The following CDH13 variants were observed in gnomAD, a reference collection of about 807,000 sequenced individuals.
CDH13 encodes the protein cadherin-13.
A neutral mutation model predicts 63.8 loss-of-function variants in CDH13; 24 were observed. The observed-to-expected ratio is 0.38, with a 90% confidence interval of 0.27 to 0.53. The LOEUF (loss-of-function observed/expected upper bound fraction) is 0.53. Ranked by LOEUF, CDH13 falls within the 20% of genes least tolerant of loss-of-function variation. The probability of loss-of-function intolerance (pLI) is 0.85; values close to 1 mark genes in which losing one functional copy is unlikely to be tolerated. For synonymous variants in CDH13, 503 were observed against 355.3 expected, an observed-to-expected ratio of 1.42 and a Z score of -4.67; for missense variants, 1,049 against 903.1, an observed-to-expected ratio of 1.16 and a Z score of -2.07.
At chr16:83,073,516 G>GATGAGA (rs1472223465) in intron 3 of CDH13, among the ~76,000 whole-genome samples, 1 of 151,872 alleles carries the variant, frequency 6.6e-6, no homozygotes, top group Non-Finnish European at 1.5e-5. Flanking sequence ...CACACATGGC[G>GATGAGA]ATGAGAATTC....
intron 1 of CDH13, among the ~76,000 whole-genome samples, chr16:82,843,261 T>C (rs1038448245): frequency 2.0e-5 from 3 of 152,222 alleles, no homozygotes; most frequent in African/African-American, 7.2e-5. Flanking sequence ...TGACACACAG[T>C]AGGCAGTCAG....
chr16:83,145,359 G>A (rs552609789), intron 4 of CDH13, among the ~76,000 whole-genome samples: 1 of 152,322 alleles, frequency 6.6e-6, no homozygotes, highest in East Asian at 1.9e-4. Context: ...CAAGCTTAAT[G>A]AAAGGGAGAA....
intron 7 of CDH13, among the ~76,000 whole-genome samples, chr16:83,516,470 C>T (rs1259922468): frequency 6.6e-6 from 1 of 152,128 alleles, no homozygotes; most frequent in Non-Finnish European, 1.5e-5. Context: ...TTTCAGAGTT[C>T]TGAAATGGAA....
At chr16:82,659,943 G>A (rs1050882587) in intron 1 of CDH13, among the ~76,000 whole-genome samples, 1 of 152,110 alleles carries the variant, frequency 6.6e-6, no homozygotes, top group East Asian at 1.9e-4. Flanking sequence ...GGAGGGAAAG[G>A]GGGGAAAGTG....
intron 7 of CDH13, among the ~76,000 whole-genome samples, chr16:83,585,031 G>A (rs1299514447): frequency 1.3e-5 from 2 of 152,138 alleles, no homozygotes; most frequent in Non-Finnish European, 2.9e-5. Context: ...CTCCAACACT[G>A]GGGGTTACAA....
At chr16:82,684,691 G>T (rs964407989) in intron 1 of CDH13, among the ~76,000 whole-genome samples, 1 of 151,992 alleles carries the variant, frequency 6.6e-6, no homozygotes, top group Admixed American at 6.6e-5. Context: ...AATTGCTTTT[G>T]ATCCTTTTTC....
intron 2 of CDH13, among the ~76,000 whole-genome samples, chr16:82,966,832 T>C (rs1414356935): frequency 1.3e-5 from 2 of 152,178 alleles, no homozygotes; most frequent in Admixed American, 6.5e-5. Context: ...AAAACAAGGA[T>C]GTTTTTTCTC....
At chr16:83,142,025 A>G (rs2036552132) in intron 4 of CDH13, among the ~76,000 whole-genome samples, 1 of 152,236 alleles carries the variant, frequency 6.6e-6, no homozygotes, top group Non-Finnish European at 1.5e-5. Flanking sequence ...ATGTACCAGT[A>G]CAAGTTTCCC....
At chr16:82,697,352 G>C (rs2030425224) in intron 1 of CDH13, among the ~76,000 whole-genome samples, 1 of 148,028 alleles carries the variant, frequency 6.8e-6, no homozygotes, top group Admixed American at 6.8e-5. Flanking sequence ...ATGAGGCTTT[G>C]TCACTCTCAC....
rs1312710942 is a variant in CDH13, at chr16:83,512,106, G to A, written c.960+25451G>A. Among the ~76,000 whole-genome samples, 6 of 151,882 alleles carry A rather than the reference G, an allele frequency of 4.0e-5. No homozygotes were observed. In the East Asian group the frequency reaches 7.8e-4, roughly 20 times the overall value. On this transcript the variant is annotated intron_variant, in intron 7 of 13. Coordinates refer to ENST00000567109, the MANE Select transcript of CDH13 (RefSeq NM_001257.5). Reference sequence around the variant, plus strand: ...GGAGGCCGAGGCGGGCGGATCACGAGGTCTGGAGGTGGAGACCATCCTGGC... The same window carrying A: ...GGAGGCCGAGGCGGGCGGATCACGAAGTCTGGAGGTGGAGACCATCCTGGC...
At chr16:83,299,135 C>T (rs2089670771) in intron 5 of CDH13, among the ~76,000 whole-genome samples, 1 of 152,068 alleles carries the variant, frequency 6.6e-6, no homozygotes, top group African/African-American at 2.4e-5. Context: ...CACTGTTTTG[C>T]AACCTGTTTT....
At chr16:83,316,795 A>G (rs773997915) in intron 5 of CDH13, among the ~76,000 whole-genome samples, 6 of 152,154 alleles carry the variant, frequency 3.9e-5, no homozygotes, top group Non-Finnish European at 5.9e-5. Flanking sequence ...AAAACAAACA[A>G]CTTCAAAATC....
chr16:82,979,596 T>G (rs1567714338), intron 2 of CDH13, among the ~76,000 whole-genome samples: 1 of 152,206 alleles, frequency 6.6e-6, no homozygotes, highest in Non-Finnish European at 1.5e-5. Flanking sequence ...AAAAAGGATG[T>G]GTTTGCTTCC....
At chr16:82,856,515 A>G (rs2039700949) in intron 1 of CDH13, among the ~76,000 whole-genome samples, 1 of 151,632 alleles carries the variant, frequency 6.6e-6, no homozygotes, top group Non-Finnish European at 1.5e-5. Context: ...CAGCCTGTGC[A>G]ACATAGTGAA....
chr16:82,701,703 T>C (rs1374286358), intron 1 of CDH13, among the ~76,000 whole-genome samples: 1 of 152,172 alleles, frequency 6.6e-6, no homozygotes, highest in Non-Finnish European at 1.5e-5. Context: ...ATCCTCAGCA[T>C]TTCCAGTGGA....
At chr16:83,446,647 G>T (rs1399723905) in intron 6 of CDH13, among the ~76,000 whole-genome samples, 2 of 152,096 alleles carry the variant, frequency 1.3e-5, no homozygotes, top group Non-Finnish European at 2.9e-5. Context: ...CTTTCTGGTG[G>T]TAATCAAAGG....
Position 83,602,455 on chromosome 16 carries a change from C to G in CDH13, c.962C>G (p.Thr321Ser). Residue 321 changes from threonine (T) to serine (S), a missense_variant and splice_region_variant, in exon 8 of 14, where the codon ACT (threonine) becomes AGT (serine). By Grantham distance (58) the Thr-to-Ser change is moderately conservative. Transcript: ENST00000567109. ...TTTCTTTGTGCTTGTGCTTTGTAGA[C>G]TCTGGAAAATCCCAAGTATGAACTG... ...VVSPALLDRE[T>S]LENPKYELII... 12 of 1,613,932 alleles carry G rather than the reference C, an allele frequency of 7.4e-6. No homozygotes were observed. The highest frequency in any genetic ancestry group is 1.0e-5 in the Non-Finnish European group (12 of 1,179,840).
At chr16:83,071,793 T>C (rs1021524024) in intron 3 of CDH13, among the ~76,000 whole-genome samples, 1 of 152,122 alleles carries the variant, frequency 6.6e-6, no homozygotes, top group Non-Finnish European at 1.5e-5. Context: ...TATAATAAAT[T>C]TGAGACAGTA....
At position 83,684,643 on chromosome 16, in the gene CDH13, A is replaced by G. The variant is rs148834130; in HGVS notation, c.1538+6182A>G. The stretch of plus-strand genomic sequence containing the variant: ...TCATCTTGCCCAGGATCTATAGTAA[A>G]CAATTCCACAGCAGAGACTTCTGCC... On this transcript the variant is annotated intron_variant, in intron 10 of 13. Transcript: ENST00000567109. Among the ~76,000 whole-genome samples the G allele has an allele frequency of 4.5e-3, 686 of 152,342 alleles. 3 individuals are homozygous for G. Among genetic ancestry groups the G allele is most frequent in the African/African-American group, 0.014 (565 of 41,588 alleles).
Sources: gnomAD v4.1 joint callset for allele counts (sites outside exome capture counted in the v4.1 genomes callset) on GRCh38, gnomAD v4.1.1 for gene constraint, MANE v1.5 for transcripts, NCBI Gene and HGNC (gene_info 2026-07-23, HGNC 2026-07-21) for gene names.